The following KCMF1 variants were observed in gnomAD, a reference collection of about 807,000 sequenced individuals.
KCMF1 encodes the protein potassium channel modulatory factor 1.
KCMF1 carries 3 observed loss-of-function variants against 41.1 expected under a neutral mutation model. The ratio of observed to expected loss-of-function variants is 0.07; its 90% CI spans 0.03 to 0.19. The LOEUF is 0.19. KCMF1 is among the 10% of genes least tolerant of loss of function. KCMF1 has a pLI of 1.00. For synonymous variants in KCMF1, 142 were observed against 164.5 expected, an observed-to-expected ratio of 0.86 and a Z score of 1.04; for missense variants, 286 against 488.9, an observed-to-expected ratio of 0.58 and a Z score of 3.91.
rs1488847970 is a variant in KCMF1, at chr2:85,058,371, G to C, written c.*4962G>C. On this transcript the variant is annotated 3_prime_UTR_variant, in exon 7 of 7. Coordinates refer to ENST00000409785, the MANE Select transcript of KCMF1 (RefSeq NM_020122.5). ...CACTCCAGCCTGGGCGACACAGTGA[G>C]ACTCTCCTCAAAACAAAAAAAAAAG... 2 of 152,022 alleles carry C rather than the reference G, an allele frequency of 1.3e-5. No individual in the cohort carries two copies. Among genetic ancestry groups the C allele is most frequent in the East Asian group, 1.9e-4 (1 of 5,174 alleles). The allele number at this position is 152,022 out of a possible 1,614,324, so 9.4% of individuals were successfully genotyped here. A position where few individuals can be genotyped will look rare whatever the true frequency, so the allele number is the denominator to read the frequency against.
At chr2:84,987,942 C>T (rs774124156) in intron 1 of KCMF1, among the ~76,000 whole-genome samples, 1 of 152,022 alleles carries the variant, frequency 6.6e-6, no homozygotes, top group Non-Finnish European at 1.5e-5. Context: ...AGGCTTCTGC[C>T]GGGCACAGTG....
At chr2:84,975,202 A>T (rs1185006248) in intron 1 of KCMF1, among the ~76,000 whole-genome samples, 1 of 152,130 alleles carries the variant, frequency 6.6e-6, no homozygotes, top group Non-Finnish European at 1.5e-5. Context: ...AGGTCGTGCC[A>T]CTGCACTCCA....
intron 1 of KCMF1, among the ~76,000 whole-genome samples, chr2:84,984,644 A>T (rs945831519): frequency 1.3e-5 from 2 of 152,004 alleles, no homozygotes; most frequent in African/African-American, 4.8e-5. Context: ...AACATGAAGA[A>T]ACCCCGTCAC....
intron 1 of KCMF1, among the ~76,000 whole-genome samples, chr2:85,022,193 T>G (rs2104019348): frequency 6.6e-6 from 1 of 152,260 alleles, no homozygotes; most frequent in Admixed American, 6.5e-5. Flanking sequence ...CAACCTAGGC[T>G]GGTCTCGGTG....
chr2:84,993,863 A>G (rs1266612327), intron 1 of KCMF1, among the ~76,000 whole-genome samples: 4 of 151,748 alleles, frequency 2.6e-5, no homozygotes, highest in Non-Finnish European at 4.4e-5. Context: ...GGTGTGAGCT[A>G]CTGCGCTTGA....
In KCMF1 at chr2:85,052,372, G is replaced by A. The variant is rs190566929; in HGVS notation, c.885-776G>A. On this transcript the variant is annotated intron_variant, in intron 6 of 6. Coordinates refer to ENST00000409785, the MANE Select transcript of KCMF1 (RefSeq NM_020122.5). ...AGTCATGAGCCACCGTGCCTGGCCA[G>A]ATCTAATCTTTTGACAGTGGGACCA... 3.6e-3 allele frequency among the ~76,000 whole-genome samples: 553 copies of A among 152,276 alleles called. 5 individuals carry two copies. Among genetic ancestry groups the A allele is most frequent in the Non-Finnish European group, 4.1e-3 (278 of 68,018 alleles).
At chr2:84,973,915 C>T (rs1673465497) in intron 1 of KCMF1, among the ~76,000 whole-genome samples, 1 of 150,738 alleles carries the variant, frequency 6.6e-6, no homozygotes, top group Admixed American at 6.6e-5. Context: ...GCAACTTCCA[C>T]CTCCCAGATT....
At chr2:84,986,761 A>C (rs534983704) in intron 1 of KCMF1, among the ~76,000 whole-genome samples, 53 of 151,566 alleles carry the variant, frequency 3.5e-4, no homozygotes, top group African/African-American at 1.2e-3. Flanking sequence ...GGGCACCTGT[A>C]ATCCCAGTTA....
chr2:85,024,452 G>C (rs185981586), intron 1 of KCMF1, among the ~76,000 whole-genome samples: 1 of 152,056 alleles, frequency 6.6e-6, no homozygotes, highest in Non-Finnish European at 1.5e-5. Flanking sequence ...CAGCCCCGGC[G>C]ACAGAGTGAG....
At chr2:85,008,765 CT>C (rs112609910) in intron 1 of KCMF1, among the ~76,000 whole-genome samples, 17,354 of 138,976 alleles carry the variant, frequency 0.12, 1,381 homozygotes, top group East Asian at 0.34. Context: ...GACATGTACT[CT>C]TTTTTTTTTT....
In KCMF1 at chr2:85,053,475, T is replaced by C; in HGVS notation, c.*66T>C. 1.3e-6 allele frequency: 2 copies of C among 1,483,886 alleles called. No individual in the cohort carries two copies. Among genetic ancestry groups the C allele is most frequent in the South Asian group, 1.4e-5 (1 of 73,938 alleles). 91.9% of individuals were successfully genotyped at this position (1,483,886 alleles called of 1,614,324 possible). Reference sequence around the variant, plus strand: ...TGCCAATGAAAGTGGACAACAACTATCTTGGGTTTGTTTGGTGATTGTAAT... The same window carrying C: ...TGCCAATGAAAGTGGACAACAACTACCTTGGGTTTGTTTGGTGATTGTAAT... On this transcript the variant is annotated 3_prime_UTR_variant, in exon 7 of 7. Transcript: ENST00000409785.
intron 1 of KCMF1, among the ~76,000 whole-genome samples, chr2:85,010,868 G>A (rs566358442): frequency 2.0e-5 from 3 of 147,284 alleles, no homozygotes; most frequent in Middle Eastern, 3.5e-3. Flanking sequence ...TTTTTGAGAC[G>A]GAGTCTCACT....
At chr2:85,039,159 G>A (rs1028277850) in intron 3 of KCMF1, among the ~76,000 whole-genome samples, 11 of 152,154 alleles carry the variant, frequency 7.2e-5, no homozygotes, top group Admixed American at 4.6e-4. Flanking sequence ...AGTGCTTAAC[G>A]GATTAGTCCA....
chr2:84,971,527 C>T (rs1490673907), intron 1 of KCMF1, 60 bp downstream of exon 1: 4 of 1,020,184 alleles, frequency 3.9e-6, no homozygotes, highest in East Asian at 5.1e-5. Flanking sequence ...CCGCCCGGGC[C>T]GGGCGCGGCG....
chr2:84,987,017 T>G (rs1296843735), intron 1 of KCMF1, among the ~76,000 whole-genome samples: 6 of 152,236 alleles, frequency 3.9e-5, no homozygotes, highest in Non-Finnish European at 4.4e-5. Context: ...CTAATGCCTG[T>G]TTAGCTACTC....
At chr2:84,971,937 C>T (rs1189907332) in intron 1 of KCMF1, 1 of 152,026 alleles carries the variant, frequency 6.6e-6, no homozygotes, top group Non-Finnish European at 1.5e-5. Flanking sequence ...ACCCGGCAGG[C>T]GCGTCCGGTC....
intron 1 of KCMF1, among the ~76,000 whole-genome samples, chr2:85,008,397 TTA>T (rs1674564727): frequency 5.1e-5 from 1 of 19,552 alleles, no homozygotes; most frequent in Non-Finnish European, 1.5e-4. Context: ...ATGATATATA[TTA>T]TATATCATAT....
chr2:85,024,190 A>G (rs1418513954), intron 1 of KCMF1, among the ~76,000 whole-genome samples: 1 of 152,192 alleles, frequency 6.6e-6, no homozygotes, highest in Non-Finnish European at 1.5e-5. Context: ...AAAGACGAAG[A>G]AAAAGGCCGA....
At position 85,055,518 on chromosome 2, in the gene KCMF1, CT is replaced by C. The variant is rs1004261125; in HGVS notation, c.*2113del. ...CAGAGCAGTTTAATTTAGATGATCA[CT>C]TTTAACACTGCAGAAGACCTAAGGA... On this transcript the variant is annotated 3_prime_UTR_variant, in exon 7 of 7. Coordinates refer to ENST00000409785, the MANE Select transcript of KCMF1 (RefSeq NM_020122.5). 8 of 152,128 alleles carry C rather than the reference CT, an allele frequency of 5.3e-5. No homozygotes were observed. Among genetic ancestry groups the C allele is most frequent in the African/African-American group, 1.9e-4 (8 of 41,432 alleles). 9.4% of individuals were successfully genotyped at this position (152,128 alleles called of 1,614,324 possible). A position where few individuals can be genotyped will look rare whatever the true frequency, so the allele number is the denominator to read the frequency against.
Sources: gnomAD v4.1 joint callset for allele counts (sites outside exome capture counted in the v4.1 genomes callset) on GRCh38, gnomAD v4.1.1 for gene constraint, MANE v1.5 for transcripts, NCBI Gene and HGNC (gene_info 2026-07-23, HGNC 2026-07-21) for gene names.